The following SYTL3 variants were observed in gnomAD, a reference collection of about 807,000 sequenced individuals.
The protein encoded by SYTL3 is synaptotagmin-like protein 3.
Under a neutral mutation model 82.1 loss-of-function variants are expected in SYTL3, and 88 were observed. The ratio of observed to expected loss-of-function variants is 1.07; its 90% confidence interval spans 0.90 to 1.28. SYTL3 has a LOEUF of 1.28. SYTL3 is among the 50% of genes most tolerant of loss of function. The pLI, the probability that SYTL3 is intolerant of heterozygous loss-of-function variation, is 0.00. For synonymous variants in SYTL3, 311 were observed against 289.4 expected, an observed-to-expected ratio of 1.07 and a Z score of -0.76; for missense variants, 831 against 757.6, an observed-to-expected ratio of 1.10 and a Z score of -1.14.
intron 11 of SYTL3, among the ~76,000 whole-genome samples, chr6:158,730,923 G>A (rs9457457): frequency 0.55 from 83,917 of 152,082 alleles, 24,496 homozygotes; most frequent in African/African-American, 0.72. Context: ...GATGTCTTAA[G>A]GGTTAAAAAG....
chr6:158,651,285 A>G (rs1787978837), intron 1 of SYTL3, among the ~76,000 whole-genome samples: 1 of 152,302 alleles, frequency 6.6e-6, no homozygotes, highest in East Asian at 1.9e-4. Context: ...AGTAGTACCT[A>G]GAAGGATATA....
intron 6 of SYTL3, among the ~76,000 whole-genome samples, chr6:158,696,454 C>T (rs933253990): frequency 1.1e-4 from 16 of 151,648 alleles, no homozygotes; most frequent in Admixed American, 3.9e-4. Flanking sequence ...CTGCCTGCCT[C>T]GGCCTCCCAA....
intron 6 of SYTL3, among the ~76,000 whole-genome samples, chr6:158,703,169 A>T (rs1300779173): frequency 2.0e-5 from 3 of 151,172 alleles, no homozygotes; most frequent in African/African-American, 7.3e-5. Flanking sequence ...AAAAAAAAAA[A>T]AAAAAAAAAT....
rs189918758 is a variant in SYTL3, at chr6:158,740,431, A to G, written c.856-5049A>G. Among the ~76,000 whole-genome samples the G allele has an allele frequency of 9.2e-5, 14 of 152,274 alleles. No individual in the cohort carries two copies. The East Asian group carries it at 2.7e-3, about 29-fold the overall frequency. On this transcript the variant is annotated intron_variant, in intron 11 of 17. Coordinates refer to ENST00000611299, the MANE Select transcript of SYTL3 (RefSeq NM_001242394.2). The stretch of plus-strand genomic sequence containing the variant: ...ATATATTTTCTTGACCATATTAGTT[A>G]CAGTTATTTTAAAGTTTATATCTTT...
intron 6 of SYTL3, among the ~76,000 whole-genome samples, chr6:158,701,879 C>G (rs1159825136): frequency 1.3e-5 from 2 of 151,986 alleles, no homozygotes; most frequent in Non-Finnish European, 2.9e-5. Context: ...TCTAGTGGGT[C>G]TCAGCAATTA....
upstream of SYTL3, among the ~76,000 whole-genome samples, chr6:158,648,590 C>CAA (rs869171730): frequency 0.05 from 6,530 of 131,074 alleles, 178 homozygotes; most frequent in East Asian, 0.17. Context: ...GACTCGGTCT[C>CAA]AAAAAAAAAA....
At chr6:158,699,912 A>T (rs956359638) in intron 6 of SYTL3, among the ~76,000 whole-genome samples, 4 of 151,730 alleles carry the variant, frequency 2.6e-5, no homozygotes, top group Non-Finnish European at 4.4e-5. Context: ...GGGCCACTGC[A>T]CTCCAGCCTG....
chr6:158,737,450 C>T (rs1462402040), intron 11 of SYTL3, among the ~76,000 whole-genome samples: 1 of 152,216 alleles, frequency 6.6e-6, no homozygotes, highest in African/African-American at 2.4e-5. Context: ...AATAAAAGGG[C>T]ATGAAACTTA....
In SYTL3 at chr6:158,744,763, G is replaced by A. The variant is rs79482983; in HGVS notation, c.856-717G>A. On this transcript the variant is annotated intron_variant, in intron 11 of 17. Transcript: ENST00000611299. ...GGTTGCATGCAAAGTATTTAAGCACGTTTAATAGTGATAAGGTAGCTGATT... is the reference window on the plus strand; with the variant it reads ...GGTTGCATGCAAAGTATTTAAGCACATTTAATAGTGATAAGGTAGCTGATT... Among the ~76,000 whole-genome samples the A allele has an allele frequency of 3.3e-3, 507 of 152,288 alleles. 2 individuals are homozygous for A. Among genetic ancestry groups the A allele is most frequent in the African/African-American group, 0.011 (453 of 41,562 alleles).
chr6:158,746,706 C>T lies in SYTL3; in HGVS notation c.1034+1048C>T, dbSNP rs531537647. Among the ~76,000 whole-genome samples, 1,129 of 151,788 alleles carry T rather than the reference C, an allele frequency of 7.4e-3. 19 individuals carry two copies. The highest frequency in any genetic ancestry group is 6.8e-3 in the Non-Finnish European group (461 of 67,966). Reference sequence around the variant, plus strand: ...GTCTCGAATTCCTGACCTCGTGATCCACCCACCTTGGCCTCCCAAAGTGCT... The same window carrying T: ...GTCTCGAATTCCTGACCTCGTGATCTACCCACCTTGGCCTCCCAAAGTGCT... On this transcript the variant is annotated intron_variant, in intron 12 of 17. Transcript: ENST00000611299.
chr6:158,696,438 C>T (rs974605809), intron 6 of SYTL3, among the ~76,000 whole-genome samples: 6 of 151,546 alleles, frequency 4.0e-5, no homozygotes, highest in Middle Eastern at 6.8e-3. Context: ...CTCCTGACCT[C>T]GTGATCTGCC....
chr6:158,745,636 GA>G lies in SYTL3; in HGVS notation c.1016del (p.Lys339ArgfsTer9). On this transcript the variant is annotated frameshift_variant, in exon 12 of 18. Coordinates refer to ENST00000611299, the MANE Select transcript of SYTL3 (RefSeq NM_001242394.2). LOFTEE classifies it high-confidence loss of function. ...KACKNLAYGE[E>X]KKKKCNPYVK... Reference sequence around the variant, plus strand: ...CTGTAAGAACCTTGCCTATGGAGAAGAAAAGAAGAAAAAGTGCAATCCGTAA... The same window carrying G: ...CTGTAAGAACCTTGCCTATGGAGAAGAAAGAAGAAAAAGTGCAATCCGTAA... The G allele has an allele frequency of 6.3e-7, 1 of 1,593,762 alleles. No homozygotes were observed. The highest frequency in any genetic ancestry group is 1.1e-5 in the South Asian group (1 of 87,738).
chr6:158,750,413 A>C (rs6901511), intron 12 of SYTL3, among the ~76,000 whole-genome samples: 36,449 of 152,016 alleles, frequency 0.24, 4,809 homozygotes, highest in African/African-American at 0.35. Context: ...GGTATATTTT[A>C]TATATTCTGT....
intron 5 of SYTL3, among the ~76,000 whole-genome samples, chr6:158,679,538 CAT>C (rs1778421359): frequency 6.6e-6 from 1 of 151,772 alleles, no homozygotes; most frequent in African/African-American, 2.4e-5. Flanking sequence ...TGCTGGTTGT[CAT>C]ATGGTTTAGG....
chr6:158,726,338 G>A, intron 11 of SYTL3: 1 of 370,648 alleles, frequency 2.7e-6, no homozygotes, highest in Non-Finnish European at 5.2e-6. Flanking sequence ...ACTTCAAGAT[G>A]TCCCCTGCAT....
chr6:158,692,531 G>A (rs1780019078), intron 6 of SYTL3, among the ~76,000 whole-genome samples: 1 of 151,958 alleles, frequency 6.6e-6, no homozygotes, highest in South Asian at 2.1e-4. Flanking sequence ...ACTTTTCTAA[G>A]TTGTATTCTT....
At position 158,759,021 on chromosome 6, in the gene SYTL3, C is replaced by T. The variant is rs532441513; in HGVS notation, c.1309-1619C>T. Reference sequence around the variant, plus strand: ...ACAGCATTGGCTCCTCCGGGACGCCCTGAGTTTCCAGCCTGAACTCCTTCT... The same window carrying T: ...ACAGCATTGGCTCCTCCGGGACGCCTTGAGTTTCCAGCCTGAACTCCTTCT... On this transcript the variant is annotated intron_variant, in intron 14 of 17. Transcript: ENST00000611299. 5.3e-5 allele frequency among the ~76,000 whole-genome samples: 8 copies of T among 152,338 alleles called. No individual in the cohort carries two copies. In the East Asian group the frequency reaches 1.5e-3, roughly 29 times the overall value.
chr6:158,661,992 T>C (rs1426831959), intron 3 of SYTL3, among the ~76,000 whole-genome samples: 4 of 152,234 alleles, frequency 2.6e-5, no homozygotes, highest in Non-Finnish European at 5.9e-5. Context: ...TTTAAATACG[T>C]AGGCTTCACC....
intron 11 of SYTL3, among the ~76,000 whole-genome samples, chr6:158,744,304 CTTT>C (rs869182913): frequency 0.27 from 27,435 of 100,356 alleles, 2,653 homozygotes; most frequent in African/African-American, 0.38. Flanking sequence ...CTTTTTCTTT[CTTT>C]TTTTTTTTTT....
Sources: gnomAD v4.1 joint callset for allele counts (sites outside exome capture counted in the v4.1 genomes callset) on GRCh38, gnomAD v4.1.1 for gene constraint, MANE v1.5 for transcripts, NCBI Gene and HGNC (gene_info 2026-07-23, HGNC 2026-07-21) for gene names.